Variants in SZRD1 observed in about 807,000 individuals in gnomAD.
SZRD1 encodes the protein SUZ RNA binding domain containing 1.
A neutral mutation model predicts 17.6 loss-of-function variants in SZRD1; 7 were observed. The observed-to-expected ratio is 0.40, with a 90% CI of 0.23 to 0.75. SZRD1 has a LOEUF of 0.75. Ranked by LOEUF, SZRD1 falls within the 30% of genes least tolerant of loss-of-function variation. The pLI is 0.38. For synonymous variants in SZRD1, 77 were observed against 77.9 expected (o/e 0.99, Z 0.06); for missense variants, 178 against 201.8 (o/e 0.88, Z 0.71).
chr1:16,387,479 T>C (rs575223506), intron 1 of SZRD1: 2 of 454,268 alleles, frequency 4.4e-6, no homozygotes, highest in Non-Finnish European at 8.9e-6. Flanking sequence ...ATAAAAATAC[T>C]GATTTGGTTT....
chr1:16,385,333 G>C (rs1340153556), intron 1 of SZRD1, among the ~76,000 whole-genome samples: 7 of 152,154 alleles, frequency 4.6e-5, no homozygotes, highest in Non-Finnish European at 1.0e-4. Context: ...TCTGACCCTT[G>C]TAGTGTAACA....
Position 16,393,557 on chromosome 1 carries a change from G to A in SZRD1, c.356+75G>A, listed in dbSNP as rs1314362922. ...GGGAAGAGGAGAGCATCCTGGCTGC[G>A]TGTAGAGTAGTGAGAAGCAAGCAGA... On this transcript the variant is annotated intron_variant, in intron 3 of 3. Transcript: ENST00000401088. The surrounding 1 kb of genome is among the most constrained non-coding windows in gnomAD (Gnocchi z 5.6). 1.8e-5 allele frequency: 26 copies of A among 1,455,588 alleles called. No individual in the cohort carries two copies. Among genetic ancestry groups the A allele is most frequent in the Middle Eastern group, 1.8e-4 (1 of 5,422 alleles). 90.2% of individuals were successfully genotyped at this position (1,455,588 alleles called of 1,614,324 possible).
intron 1 of SZRD1, among the ~76,000 whole-genome samples, chr1:16,382,761 T>A (rs931636463): frequency 2.0e-5 from 3 of 150,484 alleles, no homozygotes; most frequent in Non-Finnish European, 4.4e-5. Flanking sequence ...CTCCCAGAGT[T>A]CTGGGATTAC....
intron 1 of SZRD1, among the ~76,000 whole-genome samples, chr1:16,382,493 GTT>G (rs577765747): frequency 9.0e-5 from 12 of 133,742 alleles, no homozygotes; most frequent in African/African-American, 3.1e-4. Flanking sequence ...TGGCCACATG[GTT>G]TTTTTTTTTG....
At chr1:16,387,189 G>A in intron 1 of SZRD1, 1 of 415,384 alleles carries the variant, frequency 2.4e-6, no homozygotes, top group Non-Finnish European at 4.8e-6. Flanking sequence ...GTTCTAGTTT[G>A]GGGACAGAGG....
chr1:16,385,743 A>G (rs2083178007), intron 1 of SZRD1, among the ~76,000 whole-genome samples: 1 of 152,124 alleles, frequency 6.6e-6, no homozygotes, highest in African/African-American at 2.4e-5. Flanking sequence ...CCTAGGTCCC[A>G]TACCCTAACT....
chr1:16,382,268 G>T (rs1422392401), intron 1 of SZRD1, among the ~76,000 whole-genome samples: 1 of 148,118 alleles, frequency 6.8e-6, no homozygotes, highest in Non-Finnish European at 1.5e-5. Flanking sequence ...GCTCACTGCA[G>T]CCTCCGCCTC....
chr1:16,369,555 G>GA, intron 1 of SZRD1: 1 of 711,038 alleles, frequency 1.4e-6, no homozygotes, highest in Non-Finnish European at 2.5e-6. Context: ...CAGAAAGCCA[G>GA]AGTTCTTTCT....
rs1392339513 is a variant in SZRD1, at chr1:16,395,154, A to G, written c.*14A>G. On this transcript the variant is annotated 3_prime_UTR_variant, in exon 4 of 4. Transcript: ENST00000401088. ...CAGCGCAGATAAATGCAGGCAAGAA[A>G]AGATGCCGCCGTTGCTGCCGTCACC... The G allele has an allele frequency of 5.7e-6, 9 of 1,592,276 alleles. No individual in the cohort carries two copies. Among genetic ancestry groups the G allele is most frequent in the Non-Finnish European group, 7.8e-6 (9 of 1,160,132 alleles).
chr1:16,392,499 C>G (rs192949439), intron 2 of SZRD1, among the ~76,000 whole-genome samples: 1 of 152,332 alleles, frequency 6.6e-6, no homozygotes, highest in East Asian at 1.9e-4. Flanking sequence ...GTCCACCAGC[C>G]TTGGACAATG....
chr1:16,368,625 A>C (rs1569985105), intron 1 of SZRD1, among the ~76,000 whole-genome samples: 1 of 152,220 alleles, frequency 6.6e-6, no homozygotes, highest in African/African-American at 2.4e-5. Context: ...AGGGAGTAAC[A>C]GGTGTCAGTT....
At chr1:16,381,569 A>AT (rs1185694491) in intron 1 of SZRD1, among the ~76,000 whole-genome samples, 1 of 150,920 alleles carries the variant, frequency 6.6e-6, no homozygotes, top group Non-Finnish European at 1.5e-5. Context: ...AAAAAAAAAA[A>AT]AAGATCAGAG....
intron 1 of SZRD1, among the ~76,000 whole-genome samples, chr1:16,389,273 G>A (rs1232254719): frequency 7.4e-6 from 1 of 135,192 alleles, no homozygotes; most frequent in Non-Finnish European, 1.6e-5. Context: ...TTTTGAGGGG[G>A]GGTGGGGGGG....
chr1:16,383,178 CTCCTTCCTTCCT>C (rs202230839), intron 1 of SZRD1, among the ~76,000 whole-genome samples: 1 of 148,702 alleles, frequency 6.7e-6, no homozygotes, highest in African/African-American at 2.5e-5. Context: ...CTTTCTTTCT[CTCCTTCCTTCCT>C]TCCTTCCTTC....
Position 16,393,184 on chromosome 1 carries a change from TAGTC to T in SZRD1, c.102-41_102-38del. The T allele has an allele frequency of 6.2e-7, 1 of 1,602,040 alleles. No individual in the cohort carries two copies. ...GTGTGGGACATGGACAGGGCCTCCTTAGTCAGGAGCATGATTTGTGAAGCTGTGT... is the reference window on the plus strand; with the variant it reads ...GTGTGGGACATGGACAGGGCCTCCTTAGGAGCATGATTTGTGAAGCTGTGT... On this transcript the variant is annotated intron_variant, in intron 2 of 3. Coordinates refer to ENST00000401088, the MANE Select transcript of SZRD1 (RefSeq NM_001114600.3). The surrounding 1 kb of genome is among the most constrained non-coding windows in gnomAD (Gnocchi z 5.6).
rs2085291327 is a variant in SZRD1 at position 16,395,242 on chromosome 1, G to A, written c.*102G>A. The A allele has an allele frequency of 1.2e-6, 1 of 818,946 alleles. No individual in the cohort carries two copies. The highest frequency in any genetic ancestry group is 2.2e-4 in the Middle Eastern group (1 of 4,570). The allele number at this position is 818,946 out of a possible 1,614,324, so 50.7% of individuals were successfully genotyped here. A position where few individuals can be genotyped will look rare whatever the true frequency, so the allele number is the denominator to read the frequency against. On this transcript the variant is annotated 3_prime_UTR_variant, in exon 4 of 4. Transcript: ENST00000401088. Reference sequence around the variant, plus strand: ...GCAGACAGCTGGACTTGAGCAGAGGGAACGACCTGACTTACTTGCACTGTG... The same window carrying A: ...GCAGACAGCTGGACTTGAGCAGAGGAAACGACCTGACTTACTTGCACTGTG...
intron 1 of SZRD1, among the ~76,000 whole-genome samples, chr1:16,376,530 G>T (rs1239829985): frequency 6.6e-6 from 1 of 152,174 alleles, no homozygotes; most frequent in Non-Finnish European, 1.5e-5. Context: ...ATTGGGCAGG[G>T]CGCATTGGGT....
At position 16,393,093 on chromosome 1, in the gene SZRD1, TG is replaced by T; in HGVS notation, c.102-133del. 7.9e-7 allele frequency: 1 copy of T among 1,271,104 alleles called. No homozygotes were observed. The highest frequency in any genetic ancestry group is 1.1e-6 in the Non-Finnish European group (1 of 907,152). 78.7% of individuals were successfully genotyped at this position (1,271,104 alleles called of 1,614,324 possible). A position where few individuals can be genotyped will look rare whatever the true frequency, so the allele number is the denominator to read the frequency against. On this transcript the variant is annotated intron_variant, in intron 2 of 3. Coordinates refer to ENST00000401088, the MANE Select transcript of SZRD1 (RefSeq NM_001114600.3). The surrounding 1 kb of genome is among the most constrained non-coding windows in gnomAD (Gnocchi z 5.6). ...CTTGAGGAGTGGAAATTTTGCTGTCTGGTCAGAGGCCAGAGAATCATGCATG... is the reference window on the plus strand; with the variant it reads ...CTTGAGGAGTGGAAATTTTGCTGTCTGTCAGAGGCCAGAGAATCATGCATG...
chr1:16,368,054 T>G (rs2082852919), intron 1 of SZRD1: 1 of 151,610 alleles, frequency 6.6e-6, no homozygotes, highest in South Asian at 2.1e-4. Context: ...GGGAGAGGAG[T>G]GGGGAGATGG....
Sources: gnomAD v4.1 joint callset for allele counts (sites outside exome capture counted in the v4.1 genomes callset) on GRCh38, gnomAD v4.1.1 for gene constraint, Gnocchi (gnomAD v3.1) non-coding constraint, MANE v1.5 for transcripts, NCBI Gene and HGNC (gene_info 2026-07-23, HGNC 2026-07-21) for gene names.